Variants in CSMD1 observed in about 807,000 individuals in gnomAD.
The protein encoded by CSMD1 is CUB and Sushi multiple domains 1.
In CSMD1, 213 loss-of-function variants were observed where a neutral mutation model predicts 417.5. That is an observed-to-expected ratio of 0.51 (90% CI 0.46 to 0.57). The LOEUF (loss-of-function observed/expected upper bound fraction) is 0.57. CSMD1 is among the 20% of genes least tolerant of loss of function. The pLI is 0.00. For missense variants in CSMD1, 6,923 were observed against 4,529.7 expected (o/e 1.53, Z -15.17); for synonymous variants, 2,862 against 1,736.8 (o/e 1.65, Z -16.11).
At chr8:4,075,812 A>T (rs1406067017) in intron 3 of CSMD1, among the ~76,000 whole-genome samples, 1 of 152,124 alleles carries the variant, frequency 6.6e-6, no homozygotes, top group African/African-American at 2.4e-5. Flanking sequence ...GCAGTCCTTC[A>T]TGGTTGTCAG....
chr8:3,310,580 T>C (rs1033932199), intron 23 of CSMD1, among the ~76,000 whole-genome samples: 1 of 152,184 alleles, frequency 6.6e-6, no homozygotes, highest in Non-Finnish European at 1.5e-5. Flanking sequence ...GAACATACAA[T>C]TGGAAATAAC....
chr8:3,944,488 A>C (rs1189934913), intron 5 of CSMD1, among the ~76,000 whole-genome samples: 1 of 152,132 alleles, frequency 6.6e-6, no homozygotes, highest in African/African-American at 2.4e-5. Context: ...TGATGTTGTC[A>C]GATCACTTTA....
chr8:4,916,007 A>G (rs1806044939), intron 1 of CSMD1, among the ~76,000 whole-genome samples: 1 of 152,152 alleles, frequency 6.6e-6, no homozygotes, highest in Admixed American at 6.5e-5. Flanking sequence ...TGCAAGAGCT[A>G]CACCTGTTGC....
At chr8:4,885,202 T>C (rs6990325) in intron 1 of CSMD1, among the ~76,000 whole-genome samples, 44,145 of 151,936 alleles carry the variant, frequency 0.29, 7,975 homozygotes, top group Non-Finnish European at 0.38. Context: ...GCCTGCTAAA[T>C]TTTATTTTTA....
At chr8:4,650,232 C>G (rs1803805403) in intron 1 of CSMD1, among the ~76,000 whole-genome samples, 1 of 151,200 alleles carries the variant, frequency 6.6e-6, no homozygotes, top group African/African-American at 2.4e-5. Flanking sequence ...GTAGTCCCAG[C>G]TACTCGGGAG....
At chr8:3,335,871 G>T (rs1177665109) in intron 23 of CSMD1, among the ~76,000 whole-genome samples, 2 of 152,098 alleles carry the variant, frequency 1.3e-5, no homozygotes, top group Non-Finnish European at 2.9e-5. Context: ...TGAATTCATG[G>T]ATGGAAGTTC....
intron 2 of CSMD1, among the ~76,000 whole-genome samples, chr8:4,608,329 A>G (rs762405413): frequency 6.6e-6 from 1 of 152,154 alleles, no homozygotes; most frequent in Non-Finnish European, 1.5e-5. Flanking sequence ...GGAGGCAACT[A>G]CCCTGACCCA....
chr8:3,541,013 G>T (rs1798414433), intron 10 of CSMD1, among the ~76,000 whole-genome samples: 1 of 152,148 alleles, frequency 6.6e-6, no homozygotes, highest in African/African-American at 2.4e-5. Flanking sequence ...ATTTGACCCA[G>T]CAATCCCATT....
chr8:3,201,256 G>T (rs185240136), intron 32 of CSMD1, among the ~76,000 whole-genome samples: 2 of 152,248 alleles, frequency 1.3e-5, no homozygotes, highest in Admixed American at 6.5e-5. Context: ...GCTTTAGACC[G>T]AAATGTTAAT....
chr8:4,284,571 C>T (rs540791931), intron 3 of CSMD1, among the ~76,000 whole-genome samples: 5 of 152,216 alleles, frequency 3.3e-5, no homozygotes, highest in Admixed American at 6.5e-5. Flanking sequence ...GTTTATTGGG[C>T]AGTCTAAGCA....
intron 1 of CSMD1, among the ~76,000 whole-genome samples, chr8:4,922,149 A>C (rs1806539795): frequency 6.6e-6 from 1 of 152,152 alleles, no homozygotes; most frequent in South Asian, 2.1e-4. Flanking sequence ...ATCTCCCACC[A>C]GAGTAAATTC....
chr8:3,349,270 C>G (rs1808231856), intron 21 of CSMD1, among the ~76,000 whole-genome samples: 1 of 152,182 alleles, frequency 6.6e-6, no homozygotes, highest in African/African-American at 2.4e-5. Context: ...TGCCACGATA[C>G]TGATTCTTTC....
At chr8:4,071,314 A>G (rs936631214) in intron 3 of CSMD1, among the ~76,000 whole-genome samples, 2 of 152,130 alleles carry the variant, frequency 1.3e-5, no homozygotes, top group Non-Finnish European at 2.9e-5. Flanking sequence ...TACTGATTAG[A>G]TAATTTCCAT....
At chr8:3,920,496 C>G (rs1293344335) in intron 5 of CSMD1, among the ~76,000 whole-genome samples, 1 of 152,036 alleles carries the variant, frequency 6.6e-6, no homozygotes, top group Non-Finnish European at 1.5e-5. Context: ...ATTGATCTGG[C>G]TAGGACTTTC....
chr8:3,584,420 A>G (rs2116989971), intron 9 of CSMD1, among the ~76,000 whole-genome samples: 1 of 152,318 alleles, frequency 6.6e-6, no homozygotes, highest in South Asian at 2.1e-4. Context: ...GAAACCACAA[A>G]GAATCCTCTT....
Position 3,389,151 on chromosome 8 carries a change from G to T in CSMD1, c.2594-1469C>A, listed in dbSNP as rs748114843. 8.4e-4 allele frequency among the ~76,000 whole-genome samples: 128 copies of T among 152,142 alleles called. 4 individuals are homozygous for T. The highest frequency in any genetic ancestry group is 3.2e-3 in the Middle Eastern group (1 of 316). ...TTATTTTAAGTTCAGGGGTACATGTGCAGGTTTGTTACATTGGTAAACTTT... is the reference window on the plus strand; with the variant it reads ...TTATTTTAAGTTCAGGGGTACATGTTCAGGTTTGTTACATTGGTAAACTTT... On this transcript the variant is annotated intron_variant, in intron 17 of 69. Coordinates refer to ENST00000635120, the MANE Select transcript of CSMD1 (RefSeq NM_033225.6).
At chr8:4,447,261 G>C (rs7826600) in intron 2 of CSMD1, among the ~76,000 whole-genome samples, 3 of 152,240 alleles carry the variant, frequency 2.0e-5, no homozygotes, top group Admixed American at 1.3e-4. Context: ...TAGCAGGTTA[G>C]ATACAACTAA....
intron 3 of CSMD1, among the ~76,000 whole-genome samples, chr8:4,276,177 C>G (rs1254377665): frequency 6.6e-6 from 1 of 152,118 alleles, no homozygotes; most frequent in Non-Finnish European, 1.5e-5. Context: ...CACACATATG[C>G]TTATTGCAGC....
intron 3 of CSMD1, among the ~76,000 whole-genome samples, chr8:4,167,090 A>G (rs569798382): frequency 6.6e-6 from 1 of 152,334 alleles, no homozygotes; most frequent in South Asian, 2.1e-4. Flanking sequence ...ATCTGTAGAT[A>G]AATGTAAAAC....
Sources: gnomAD v4.1 joint callset for allele counts (sites outside exome capture counted in the v4.1 genomes callset) on GRCh38, gnomAD v4.1.1 for gene constraint, MANE v1.5 for transcripts, NCBI Gene and HGNC (gene_info 2026-07-23, HGNC 2026-07-21) for gene names.